Variants in UBN2 observed in about 807,000 individuals in gnomAD.
UBN2 encodes the protein ubinuclein-2.
Under a neutral mutation model 120.2 loss-of-function variants are expected in UBN2, and 35 were observed. The ratio of observed to expected loss-of-function variants is 0.29; its 90% CI spans 0.22 to 0.39. UBN2 has a LOEUF of 0.39. Among genes scored for constraint, UBN2 ranks in the 10% least tolerant of loss-of-function variants. UBN2 has a pLI of 1.00. For synonymous variants in UBN2, 661 were observed against 648.7 expected, an observed-to-expected ratio of 1.02 and a Z score of -0.29; for missense variants, 1,693 against 1,663.2, an observed-to-expected ratio of 1.02 and a Z score of -0.31.
intron 17 of UBN2, 26 bp from the exon 18 acceptor site, chr7:139,297,761 A>G (rs566320682): frequency 3.1e-6 from 5 of 1,613,152 alleles, no homozygotes; most frequent in East Asian, 2.2e-5. Flanking sequence ...ATGGACCCAT[A>G]CCAATTTAAC....
chr7:139,316,765 ATGTGTG>A, the UBN2 span, among the ~76,000 whole-genome samples: 2 of 150,720 alleles, frequency 1.3e-5, no homozygotes, highest in African/African-American at 2.4e-5. Context: ...AAAATTATGT[ATGTGTG>A]TGTGTGTGTA....
At chr7:139,319,446 T>G in the UBN2 span, among the ~76,000 whole-genome samples, 15 of 152,276 alleles carry the variant, frequency 9.9e-5, no homozygotes, top group Non-Finnish European at 1.5e-5. Flanking sequence ...TTTGGCTGCC[T>G]GAGGCAAATT....
chr7:139,286,356 G>A (rs1369835826), intron 15 of UBN2, among the ~76,000 whole-genome samples: 3 of 152,086 alleles, frequency 2.0e-5, no homozygotes, highest in Admixed American at 6.6e-5. Flanking sequence ...GAGTCACTGC[G>A]CCGGGCCTAT....
Position 139,261,700 on chromosome 7 carries a change from C to T in UBN2, c.1354C>T (p.Leu452=). 6.2e-7 allele frequency: 1 copy of T among 1,613,394 alleles called. No individual in the cohort carries two copies. Among genetic ancestry groups the T allele is most frequent in the Non-Finnish European group, 8.5e-7 (1 of 1,179,350 alleles). The change falls in exon 6 of 18, where the codon CTA becomes TTA. Residue 452 remains leucine (L), a synonymous_variant. Coordinates refer to ENST00000473989, the MANE Select transcript of UBN2 (RefSeq NM_173569.4). ...PKVVPTLPEG[L]PVLLEKRIED... ...AGTGGTACCTACACTCCCAGAGGGT[C>T]TACCTGTACTTCTTGAAAAACGTAT...
At chr7:139,317,603 A>G in the UBN2 span, among the ~76,000 whole-genome samples, 2 of 152,104 alleles carry the variant, frequency 1.3e-5, no homozygotes, top group African/African-American at 4.8e-5. Context: ...GGTACCTTCT[A>G]GGAAAATTTC....
Position 139,284,194 on chromosome 7 carries a change from C to T in UBN2, c.3289C>T (p.Leu1097=). The T allele has an allele frequency of 6.2e-7, 1 of 1,614,190 alleles. No individual in the cohort carries two copies. Residue 1097 remains leucine, a synonymous_variant, in exon 15 of 18, where the codon CTA becomes TTA. Transcript: ENST00000473989. ...CCCAAGTAGTTCCAGTCCAAATGCA[C>T]TAGTTGCCCAGGGTAGCCACTCCAG... ...VSPSSSSPNA[L]VAQGSHSSTN... is the part of the protein sequence containing the mutation.
chr7:139,282,126 C>T (rs1381872330), intron 14 of UBN2, 71 bp downstream of exon 14: 44 of 1,404,650 alleles, frequency 3.1e-5, no homozygotes, highest in Non-Finnish European at 4.3e-5. Context: ...GTTTAAGAAA[C>T]TAATTGAAGA....
rs770025620 is a variant in UBN2, at chr7:139,283,175, A to G, written c.2270A>G (p.Asp757Gly). Residue 757 changes from aspartate (D) to glycine (G), a missense_variant, in exon 15 of 18, where the codon GAT becomes GGT. By Grantham distance (94) the Asp-to-Gly change is moderately conservative (BLOSUM62 -1). Transcript: ENST00000473989. The part of the protein sequence containing the change: ...QETICLDDSL[D>G]EDLSFHSPSL... ...ACCATCTGCCTCGACGACTCACTAG[A>G]TGAAGACCTTTCTTTCCATTCACCT... 3 of 1,612,094 alleles carry G rather than the reference A, an allele frequency of 1.9e-6. No individual in the cohort carries two copies. The highest frequency in any genetic ancestry group is 2.7e-5 in the African/African-American group (2 of 74,158).
chr7:139,250,430 C>T (rs980765877), intron 2 of UBN2, among the ~76,000 whole-genome samples: 1 of 151,922 alleles, frequency 6.6e-6, no homozygotes, highest in Non-Finnish European at 1.5e-5. Flanking sequence ...ATGGGCCTCC[C>T]GTCATTTTGG....
chr7:139,313,036 A>G (rs1798468792), downstream of UBN2, among the ~76,000 whole-genome samples: 1 of 151,982 alleles, frequency 6.6e-6, no homozygotes, highest in Admixed American at 6.6e-5. Flanking sequence ...CTATTACCAT[A>G]GACTTAAAAA....
chr7:139,232,053 G>T, intron 1 of UBN2, 101 bp downstream of exon 1: 1 of 1,213,344 alleles, frequency 8.2e-7, no homozygotes, highest in Non-Finnish European at 1.1e-6. Flanking sequence ...GAGCGCGTCC[G>T]GGTCGCCCCG....
In UBN2 at chr7:139,289,430, T is replaced by TG. The variant is rs1478116804; in HGVS notation, c.3670-3801dup. Among the ~76,000 whole-genome samples the TG allele has an allele frequency of 2.7e-5, 4 of 150,604 alleles. 1 individual carries two copies. The highest frequency in any genetic ancestry group is 4.4e-5 in the Non-Finnish European group (3 of 67,780). ...TACATTTTGCTTTTTTTTTTTTTTT[T>TG]GAGACAGGGTCTCACTCTGTTGCCC... is the stretch of plus-strand genomic sequence containing the variant. On this transcript the variant is annotated intron_variant, in intron 15 of 17. Coordinates refer to ENST00000473989, the MANE Select transcript of UBN2 (RefSeq NM_173569.4).
intron 2 of UBN2, among the ~76,000 whole-genome samples, chr7:139,247,629 G>A (rs919779505): frequency 2.0e-5 from 3 of 152,142 alleles, no homozygotes; most frequent in Non-Finnish European, 4.4e-5. Context: ...CTTAGTATAG[G>A]ATCTGATGCA....
At chr7:139,250,466 T>C (rs1796593571) in intron 2 of UBN2, among the ~76,000 whole-genome samples, 1 of 151,794 alleles carries the variant, frequency 6.6e-6, no homozygotes, top group Non-Finnish European at 1.5e-5. Flanking sequence ...ACTCCTGGCC[T>C]CAGGTGATCC....
At chr7:139,268,099 G>A (rs1489322155) in intron 7 of UBN2, among the ~76,000 whole-genome samples, 1 of 152,158 alleles carries the variant, frequency 6.6e-6, no homozygotes, top group Non-Finnish European at 1.5e-5. Flanking sequence ...TTCTCTCCGG[G>A]GAGAGTCAAA....
intron 3 of UBN2, among the ~76,000 whole-genome samples, chr7:139,253,643 G>T (rs958954352): frequency 6.6e-6 from 1 of 152,098 alleles, no homozygotes. Context: ...TCTTACAAAA[G>T]GAAAAGGAAT....
intron 2 of UBN2, among the ~76,000 whole-genome samples, chr7:139,248,118 C>A (rs1351267387): frequency 6.6e-6 from 1 of 152,128 alleles, no homozygotes; most frequent in East Asian, 1.9e-4. Context: ...ATTCTGATAT[C>A]TTAACATATT....
the UBN2 span, among the ~76,000 whole-genome samples, chr7:139,324,642 T>G: frequency 6.6e-6 from 1 of 151,684 alleles, no homozygotes; most frequent in Non-Finnish European, 1.5e-5. Flanking sequence ...TTTATCACTG[T>G]GCAATTTTGT....
intron 8 of UBN2, among the ~76,000 whole-genome samples, chr7:139,271,056 A>G (rs1032700353): frequency 6.6e-6 from 1 of 152,134 alleles, no homozygotes; most frequent in African/African-American, 2.4e-5. Flanking sequence ...TACTGGGATT[A>G]CAGGCGTGAG....
Sources: allele counts gnomAD v4.1 joint callset (sites outside exome capture counted in the v4.1 genomes callset), GRCh38; gene constraint gnomAD v4.1.1; transcripts MANE v1.5; gene names NCBI Gene and HGNC (gene_info 2026-07-23, HGNC 2026-07-21).